Variants in ESYT3 observed in about 807,000 individuals in gnomAD.
The protein encoded by ESYT3 is extended synaptotagmin 3.
Under a neutral mutation model 111.5 loss-of-function variants are expected in ESYT3, and 101 were observed. The ratio of observed to expected loss-of-function variants is 0.91; its 90% CI spans 0.77 to 1.07. The LOEUF (loss-of-function observed/expected upper bound fraction) is 1.07, where lower values mean the gene tolerates loss of function less well. Ranked by LOEUF, ESYT3 falls within the 50% of genes least tolerant of loss-of-function variation. ESYT3 has a pLI of 0.00. For synonymous variants in ESYT3, 416 were observed against 446.8 expected, an observed-to-expected ratio of 0.93 and a Z score of 0.87; for missense variants, 1,097 against 1,109.4, an observed-to-expected ratio of 0.99 and a Z score of 0.16.
intron 1 of ESYT3, among the ~76,000 whole-genome samples, chr3:138,438,789 G>A (rs2030920125): frequency 6.6e-6 from 1 of 152,208 alleles, no homozygotes; most frequent in African/African-American, 2.4e-5. Flanking sequence ...CCCAGCCATG[G>A]GAGATATAGC....
At chr3:138,441,451 C>T (rs867017474) in intron 1 of ESYT3, among the ~76,000 whole-genome samples, 4 of 152,224 alleles carry the variant, frequency 2.6e-5, no homozygotes, top group South Asian at 4.2e-4. Flanking sequence ...CCGGCTCCCA[C>T]TGGGTCCTGG....
chr3:138,446,541 G>A (rs757083592), intron 1 of ESYT3, among the ~76,000 whole-genome samples: 22 of 152,190 alleles, frequency 1.4e-4, no homozygotes, highest in Non-Finnish European at 2.2e-4. Flanking sequence ...TGTCATATTA[G>A]ACAAAATAGA....
rs961574900 is a variant in ESYT3 at position 138,448,267 on chromosome 3, A to G, written c.328-3781A>G. Among the ~76,000 whole-genome samples the G allele has an allele frequency of 3.0e-4, 14 of 46,704 alleles. No homozygotes were observed. In the East Asian group the frequency reaches 8.7e-3, roughly 29 times the overall value. 30.6% of individuals were successfully genotyped at this position (46,704 alleles called of 152,430 possible). A position where few individuals can be genotyped will look rare whatever the true frequency, so the allele number is the denominator to read the frequency against. ...GGGCAACAAAAATGAAACTCGATCT[A>G]AAAAAAAAAAAAAAAAAAAAAAAAA... is the stretch of plus-strand genomic sequence containing the variant. On this transcript the variant is annotated intron_variant, in intron 1 of 22. Coordinates refer to ENST00000389567, the MANE Select transcript of ESYT3 (RefSeq NM_031913.5).
intron 2 of ESYT3, among the ~76,000 whole-genome samples, chr3:138,454,250 AAAG>A (rs770425082): frequency 6.6e-6 from 1 of 151,916 alleles, no homozygotes; most frequent in East Asian, 1.9e-4. Context: ...TTGTCTTAAA[AAAG>A]AAGGCCAGGT....
rs1450975210 is a variant in ESYT3 at position 138,434,944 on chromosome 3, T to C, written c.146T>C (p.Val49Ala). The change falls in exon 1 of 23, where the codon GTC (valine) becomes GCC (alanine). Residue 49 changes from valine to alanine, a missense_variant. Transcript: ENST00000389567. ...CGCGTGCTGTTCTACCTGGGGCCTGTCTACCTAGCTGGCTACCTGGGGCTC... is the reference window on the plus strand; with the variant it reads ...CGCGTGCTGTTCTACCTGGGGCCTGCCTACCTAGCTGGCTACCTGGGGCTC... ...VVRVLFYLGPVYLAGYLGLSI... is the reference protein window; with the variant it reads ...VVRVLFYLGPAYLAGYLGLSI... 6.4e-7 allele frequency: 1 copy of C among 1,552,768 alleles called. No homozygotes were observed. Among genetic ancestry groups the C allele is most frequent in the African/African-American group, 1.4e-5 (1 of 73,224 alleles).
rs139534870 is a variant in ESYT3, at chr3:138,442,454, G to A, written c.327+7329G>A. 4.5e-3 allele frequency among the ~76,000 whole-genome samples: 679 copies of A among 152,192 alleles called. 4 individuals carry two copies. Among genetic ancestry groups the A allele is most frequent in the African/African-American group, 0.016 (658 of 41,514 alleles). ...TACTTCCAGGCTTTCCTGGTCACAC[G>A]GCTAGCGGAGGTGGGTGGTGGTTCC... On this transcript the variant is annotated intron_variant, in intron 1 of 22. Transcript: ENST00000389567.
chr3:138,476,722 T>G, intron 22 of ESYT3, 96 bp from the exon 23 acceptor site: 1 of 1,298,834 alleles, frequency 7.7e-7, no homozygotes. Flanking sequence ...TCTGCTGGTC[T>G]TACAGAGGCC....
chr3:138,456,811 G>C (rs1311365516), intron 3 of ESYT3, among the ~76,000 whole-genome samples: 2 of 152,210 alleles, frequency 1.3e-5, no homozygotes, highest in East Asian at 3.8e-4. Context: ...GTGGCAAAAA[G>C]ATTGGGGACC....
Position 138,478,662 on chromosome 3 carries a change from T to C in ESYT3, c.*1808T>C, listed in dbSNP as rs970132174. The C allele has an allele frequency of 5.3e-5, 8 of 152,138 alleles. No homozygotes were observed. Among genetic ancestry groups the C allele is most frequent in the Non-Finnish European group, 1.2e-4 (8 of 68,036 alleles). The allele number at this position is 152,138 out of a possible 1,614,324, so 9.4% of individuals were successfully genotyped here. A position where few individuals can be genotyped will look rare whatever the true frequency, so the allele number is the denominator to read the frequency against. On this transcript the variant is annotated 3_prime_UTR_variant, in exon 23 of 23. Transcript: ENST00000389567. The stretch of plus-strand genomic sequence containing the variant: ...ACCTGTGTCAGGCAACACAGGTAAA[T>C]ACCTGGTGATGGTCTGAAGAGGAGT...
At chr3:138,455,068 T>C in intron 2 of ESYT3, 126 bp from the exon 3 acceptor site, 1 of 1,064,100 alleles carries the variant, frequency 9.4e-7, no homozygotes, top group Non-Finnish European at 1.4e-6. Context: ...AGCAGGTGAG[T>C]GCTGCAGCAT....
intron 1 of ESYT3, among the ~76,000 whole-genome samples, chr3:138,437,184 G>A (rs566669573): frequency 3.9e-5 from 6 of 152,312 alleles, no homozygotes; most frequent in East Asian, 3.9e-4. Context: ...TCGGGTGGGG[G>A]ACAGATGCAT....
At chr3:138,473,244 C>T (rs2033324292) in intron 18 of ESYT3, 2 of 801,502 alleles carry the variant, frequency 2.5e-6, no homozygotes, top group Non-Finnish European at 3.5e-6. Flanking sequence ...CACAATAACC[C>T]TACAAGATGG....
Position 138,472,757 on chromosome 3 carries a change from C to T in ESYT3, c.2135C>T (p.Ser712Phe), listed in dbSNP as rs1167426585. 3 of 1,614,252 alleles carry T rather than the reference C, an allele frequency of 1.9e-6. No homozygotes were observed. Among genetic ancestry groups the T allele is most frequent in the African/African-American group, 1.3e-5 (1 of 75,074 alleles). ...CCCAGACCCATGAAATGCCCTGCCTCCCCATTCGCATGGCCGCCCAAGAGG... is the reference window on the plus strand; with the variant it reads ...CCCAGACCCATGAAATGCCCTGCCTTCCCATTCGCATGGCCGCCCAAGAGG... ...KSPRPMKCPA[S>F]PFAWPPKRLA... is the part of the protein sequence containing the mutation. The change falls in exon 18 of 23, where the codon TCC becomes TTC. Residue 712 changes from serine (S) to phenylalanine (F), a missense_variant. Physicochemically the swap from Ser to Phe is radical, Grantham distance 155. Coordinates refer to ENST00000389567, the MANE Select transcript of ESYT3 (RefSeq NM_031913.5).
At chr3:138,456,987 C>T (rs1452728054) in intron 3 of ESYT3, among the ~76,000 whole-genome samples, 1 of 152,134 alleles carries the variant, frequency 6.6e-6, no homozygotes, top group Admixed American at 6.5e-5. Context: ...ATGTCCTGGC[C>T]ACCCCCCTCC....
At chr3:138,461,398 G>A (rs1178474884) in intron 7 of ESYT3, among the ~76,000 whole-genome samples, 1 of 152,158 alleles carries the variant, frequency 6.6e-6, no homozygotes, top group Non-Finnish European at 1.5e-5. Flanking sequence ...CCCCATGAGA[G>A]GAGCAGAGAA....
rs767663447 is a variant in ESYT3 at position 138,472,595 on chromosome 3, C to T, written c.1973C>T (p.Thr658Ile). 6 of 1,614,126 alleles carry T rather than the reference C, an allele frequency of 3.7e-6. No individual in the cohort carries two copies. The East Asian group carries it at 1.3e-4, about 36-fold the overall frequency. The change falls in exon 18 of 23, where the codon ACA becomes ATA. Residue 658 changes from threonine to isoleucine, a missense_variant. Thr to Ile is a moderately conservative substitution (Grantham distance 89, BLOSUM62 -1). Transcript: ENST00000389567. The part of the protein sequence containing the change: ...TSATTVATEP[T>I]SQETGPEPKG... Reference sequence around the variant, plus strand: ...GCTACCACCGTTGCCACTGAGCCCACATCCCAAGAGACAGGCCCAGAGCCT... The same window carrying T: ...GCTACCACCGTTGCCACTGAGCCCATATCCCAAGAGACAGGCCCAGAGCCT...
chr3:138,459,170 TC>T lies in ESYT3; in HGVS notation c.582-15del. The T allele has an allele frequency of 6.7e-7, 1 of 1,490,838 alleles. No individual in the cohort carries two copies. Among genetic ancestry groups the T allele is most frequent in the South Asian group, 1.4e-5 (1 of 72,454 alleles). The allele number at this position is 1,490,838 out of a possible 1,614,324, so 92.4% of individuals were successfully genotyped here. ...CTACCCCTCCTCCCCACCTTCCTTT[TC>T]CACCCCCCATTTCAGCTACATCGGG... On this transcript the variant is annotated splice_polypyrimidine_tract_variant and intron_variant, in intron 4 of 22. Transcript: ENST00000389567.
intron 15 of ESYT3, 141 bp from the exon 16 acceptor site, chr3:138,469,919 T>A: frequency 1.7e-6 from 1 of 604,792 alleles, no homozygotes; most frequent in Non-Finnish European, 2.8e-6. Flanking sequence ...TCCCACTAGC[T>A]GTAGCGTGTT....
At chr3:138,439,498 C>A (rs961839452) in intron 1 of ESYT3, among the ~76,000 whole-genome samples, 41 of 152,166 alleles carry the variant, frequency 2.7e-4, no homozygotes, top group African/African-American at 9.7e-4. Flanking sequence ...CTTGGGGTAA[C>A]CTTTGCTGCT....
Sources: allele counts gnomAD v4.1 joint callset (sites outside exome capture counted in the v4.1 genomes callset), GRCh38; gene constraint gnomAD v4.1.1; transcripts MANE v1.5; gene names NCBI Gene and HGNC (gene_info 2026-07-23, HGNC 2026-07-21).